TMTC2: variants seen among roughly 807,000 people sequenced by gnomAD.
TMTC2 encodes transmembrane O-mannosyltransferase targeting cadherins 2, also known as protein O-mannosyl-transferase TMTC2.
A neutral mutation model predicts 82.4 loss-of-function variants in TMTC2; 43 were observed. The observed-to-expected ratio is 0.52, with a 90% CI of 0.41 to 0.67. The LOEUF (loss-of-function observed/expected upper bound fraction) is 0.67. TMTC2 is among the 30% of genes least tolerant of loss of function. The pLI is 0.00. For missense variants in TMTC2, 919 were observed against 1,012.4 expected (o/e 0.91, Z 1.25); for synonymous variants, 408 against 381.9 (o/e 1.07, Z -0.80).
intron 1 of TMTC2, among the ~76,000 whole-genome samples, chr12:82,765,931 C>T (rs1876935051): frequency 6.6e-6 from 1 of 152,128 alleles, no homozygotes; most frequent in African/African-American, 2.4e-5. Flanking sequence ...TTCATGAACT[C>T]AGTGGGTTTC....
At chr12:82,853,320 C>G (rs1195338078) in intron 1 of TMTC2, among the ~76,000 whole-genome samples, 1 of 152,146 alleles carries the variant, frequency 6.6e-6, no homozygotes, top group African/African-American at 2.4e-5. Flanking sequence ...TCAGGCTGGT[C>G]TCAAACTCCT....
At chr12:83,039,912 C>A (rs1465131887) in intron 9 of TMTC2, among the ~76,000 whole-genome samples, 2 of 152,152 alleles carry the variant, frequency 1.3e-5, no homozygotes, top group East Asian at 3.9e-4. Context: ...TAAATCAATT[C>A]AAGTAATATG....
intron 11 of TMTC2, 22 bp downstream of exon 11, chr12:83,061,853 A>T (rs755604591): frequency 1.9e-6 from 3 of 1,556,958 alleles, no homozygotes; most frequent in Non-Finnish European, 2.6e-6. Context: ...CCTAATGAGA[A>T]ACATTTTCAG....
At chr12:82,728,633 T>C (rs1874586868) in intron 1 of TMTC2, among the ~76,000 whole-genome samples, 1 of 152,202 alleles carries the variant, frequency 6.6e-6, no homozygotes, top group Non-Finnish European at 1.5e-5. Context: ...CCTCGCTTGC[T>C]CTGGGCACCT....
intron 1 of TMTC2, chr12:82,690,568 A>G (rs1872530657): frequency 4.4e-6 from 1 of 229,666 alleles, no homozygotes; most frequent in Non-Finnish European, 7.2e-6. Context: ...CAATTTCTCT[A>G]TGGTAAAATT....
In TMTC2 at chr12:82,844,063, G is replaced by T. The variant is rs541628727; in HGVS notation, c.84-12947G>T. Among the ~76,000 whole-genome samples, 32 of 152,316 alleles carry T rather than the reference G, an allele frequency of 2.1e-4. 1 individual carries two copies. The highest frequency in any genetic ancestry group is 3.3e-4 in the Admixed American group (5 of 15,304). On this transcript the variant is annotated intron_variant, in intron 1 of 11. Transcript: ENST00000321196. Reference sequence around the variant, plus strand: ...ATCATGAATGTCTTTCCACTCCCAAGACTTCGTTTCCTAGAGCCTGTTAGT... The same window carrying T: ...ATCATGAATGTCTTTCCACTCCCAATACTTCGTTTCCTAGAGCCTGTTAGT...
chr12:83,109,445 A>G (rs75901646), intron 11 of TMTC2, among the ~76,000 whole-genome samples: 5,537 of 152,254 alleles, frequency 0.036, 164 homozygotes, highest in Non-Finnish European at 0.054. Flanking sequence ...GATCCAAACC[A>G]TATCAACCAG....
intron 1 of TMTC2, among the ~76,000 whole-genome samples, chr12:82,705,973 T>A (rs1873332472): frequency 6.6e-6 from 1 of 152,104 alleles, no homozygotes; most frequent in Non-Finnish European, 1.5e-5. Context: ...TGCTTATGCT[T>A]GAACTGACTC....
At chr12:82,954,797 A>G (rs1231690572) in intron 4 of TMTC2, among the ~76,000 whole-genome samples, 1 of 152,214 alleles carries the variant, frequency 6.6e-6, no homozygotes, top group Non-Finnish European at 1.5e-5. Flanking sequence ...TTCTATCTAG[A>G]GGGCAGTCTT....
rs540110953 is a variant in TMTC2 at position 82,860,163 on chromosome 12, C to A, written c.654+2583C>A. On this transcript the variant is annotated intron_variant, in intron 2 of 11. Coordinates refer to ENST00000321196, the MANE Select transcript of TMTC2 (RefSeq NM_152588.3). The stretch of plus-strand genomic sequence containing the variant: ...TAATTTTTGTATTTTTAGTAGAGGC[C>A]AGGTTTCACCATGTTGGCCAGGATG... Among the ~76,000 whole-genome samples, 482 of 141,928 alleles carry A rather than the reference C, an allele frequency of 3.4e-3. 2 individuals are homozygous for A. The highest frequency in any genetic ancestry group is 0.013 in the African/African-American group (421 of 32,132). 93.1% of individuals were successfully genotyped at this position (141,928 alleles called of 152,430 possible).
At chr12:83,022,722 T>A (rs917782438) in intron 8 of TMTC2, among the ~76,000 whole-genome samples, 1 of 151,896 alleles carries the variant, frequency 6.6e-6, no homozygotes, top group Admixed American at 6.6e-5. Flanking sequence ...TCTCAAAAGA[T>A]CCAGTGACTA....
At chr12:82,789,079 G>A (rs1878327140) in intron 1 of TMTC2, among the ~76,000 whole-genome samples, 1 of 152,190 alleles carries the variant, frequency 6.6e-6, no homozygotes. Flanking sequence ...ATTTAGGGAT[G>A]CTTCTTTGAG....
intron 2 of TMTC2, among the ~76,000 whole-genome samples, chr12:82,858,270 A>C (rs550720023): frequency 4.1e-4 from 62 of 152,334 alleles, no homozygotes; most frequent in African/African-American, 1.5e-3. Context: ...CATACACTTG[A>C]AGAGACTGAG....
chr12:83,006,930 G>T (rs1434763050), intron 8 of TMTC2, among the ~76,000 whole-genome samples: 1 of 152,062 alleles, frequency 6.6e-6, no homozygotes, highest in African/African-American at 2.4e-5. Flanking sequence ...ACAGGGCAGG[G>T]CCTGTCATGG....
intron 11 of TMTC2, among the ~76,000 whole-genome samples, chr12:83,114,724 ATTC>A (rs1884699962): frequency 6.6e-6 from 1 of 152,154 alleles, no homozygotes; most frequent in Non-Finnish European, 1.5e-5. Context: ...GGTTAAAAAC[ATTC>A]TTCTGAATTT....
chr12:83,009,758 T>A (rs544139315), intron 8 of TMTC2, among the ~76,000 whole-genome samples: 1 of 152,314 alleles, frequency 6.6e-6, no homozygotes, highest in African/African-American at 2.4e-5. Flanking sequence ...CCCATCCTTT[T>A]TGGCACCAGG....
chr12:82,782,045 T>C (rs1877937123), intron 1 of TMTC2, among the ~76,000 whole-genome samples: 1 of 152,126 alleles, frequency 6.6e-6, no homozygotes, highest in African/African-American at 2.4e-5. Flanking sequence ...CTCTTCACAC[T>C]TCTATTTATT....
At chr12:82,919,992 C>A (rs1875287993) in intron 3 of TMTC2, among the ~76,000 whole-genome samples, 1 of 152,174 alleles carries the variant, frequency 6.6e-6, no homozygotes, top group South Asian at 2.1e-4. Context: ...CCAACCTCCA[C>A]CCGTTATGCA....
intron 1 of TMTC2, among the ~76,000 whole-genome samples, chr12:82,742,142 C>T (rs147578857): frequency 9.2e-5 from 14 of 152,198 alleles, no homozygotes; most frequent in African/African-American, 2.9e-4. Context: ...TCTCCTAAGG[C>T]GCATCCCTAC....
Sources: gnomAD v4.1 joint callset for allele counts (sites outside exome capture counted in the v4.1 genomes callset) on GRCh38, gnomAD v4.1.1 for gene constraint, MANE v1.5 for transcripts, NCBI Gene and HGNC (gene_info 2026-07-23, HGNC 2026-07-21) for gene names.